The following ANKS1B variants were observed in gnomAD, a reference collection of about 807,000 sequenced individuals.
ANKS1B encodes the protein ankyrin repeat and sterile alpha motif domain-containing protein 1B.
In ANKS1B, 36 loss-of-function variants were observed where a neutral mutation model predicts 148.3. That is an observed-to-expected ratio of 0.24 (90% confidence interval 0.19 to 0.32). ANKS1B has a LOEUF of 0.32. Among genes scored for constraint, ANKS1B ranks in the 10% least tolerant of loss-of-function variants. ANKS1B has a pLI of 1.00. For missense variants in ANKS1B, 1,157 were observed against 1,542.6 expected, an observed-to-expected ratio of 0.75 and a Z score of 4.19; for synonymous variants, 542 against 560.8, an observed-to-expected ratio of 0.97 and a Z score of 0.47.
At chr12:99,846,047 C>G (rs1235877067) in intron 1 of ANKS1B, among the ~76,000 whole-genome samples, 1 of 152,088 alleles carries the variant, frequency 6.6e-6, no homozygotes, top group Non-Finnish European at 1.5e-5. Context: ...ATTACTACAT[C>G]TGCTCTCCTT....
intron 9 of ANKS1B, among the ~76,000 whole-genome samples, chr12:99,523,321 G>A (rs902620641): frequency 6.6e-6 from 1 of 152,160 alleles, no homozygotes; most frequent in Non-Finnish European, 1.5e-5. Context: ...AGGTGCTGAG[G>A]AACGTGTATG....
rs1029051318 is a variant in ANKS1B at position 99,774,894 on chromosome 12, C to T, written c.961+654G>A. ...AGGATATTATCCTAAGTGAGATGAA[C>T]CAGGTACAGAAAGACAAATACTGCA... On this transcript the variant is annotated intron_variant, in intron 7 of 26. Coordinates refer to ENST00000683438, the MANE Select transcript of ANKS1B (RefSeq NM_001352186.2). 9.9e-5 allele frequency among the ~76,000 whole-genome samples: 15 copies of T among 151,894 alleles called. 1 individual carries two copies. The highest frequency in any genetic ancestry group is 2.2e-4 in the Non-Finnish European group (15 of 67,942).
chr12:99,589,075 C>T (rs984710819), intron 9 of ANKS1B, among the ~76,000 whole-genome samples: 5 of 152,206 alleles, frequency 3.3e-5, no homozygotes, highest in African/African-American at 1.2e-4. Context: ...ACTGCCCAGG[C>T]AGTGGGATCG....
At chr12:99,430,849 TAGAA>T (rs1405998431) in intron 11 of ANKS1B, among the ~76,000 whole-genome samples, 2 of 152,214 alleles carry the variant, frequency 1.3e-5, no homozygotes, top group African/African-American at 2.4e-5. Context: ...GTAACATATC[TAGAA>T]TCACATTGTC....
intron 9 of ANKS1B, chr12:99,648,393 C>A (rs115856728): frequency 6.2e-7 from 1 of 1,614,144 alleles, no homozygotes. Context: ...CAATGGGCAT[C>A]GTTCGCACCA....
At chr12:99,931,259 T>C (rs1216184228) in intron 1 of ANKS1B, among the ~76,000 whole-genome samples, 2 of 152,032 alleles carry the variant, frequency 1.3e-5, no homozygotes, top group African/African-American at 2.4e-5. Flanking sequence ...AGTTAATGGT[T>C]GCAGCACACC....
intron 10 of ANKS1B, among the ~76,000 whole-genome samples, chr12:99,458,277 G>A (rs1376128650): frequency 1.3e-5 from 2 of 151,950 alleles, no homozygotes; most frequent in East Asian, 1.9e-4. Context: ...CAAAGGTGGT[G>A]CTAAGAGAAA....
At chr12:99,579,457 A>G (rs984000226) in intron 9 of ANKS1B, among the ~76,000 whole-genome samples, 3 of 152,216 alleles carry the variant, frequency 2.0e-5, no homozygotes, top group Non-Finnish European at 4.4e-5. Flanking sequence ...TGCATCCATC[A>G]AAGGCCTAAT....
chr12:99,084,922 C>A lies in ANKS1B; in HGVS notation c.2625+3G>T. ...GGACTAGGGCAATAAAAGTATTGCTCACCTTTGGAAGGAGCTGGATTGCCT... is the reference window on the plus strand; with the variant it reads ...GGACTAGGGCAATAAAAGTATTGCTAACCTTTGGAAGGAGCTGGATTGCCT... On this transcript the variant is annotated splice_donor_region_variant and intron_variant, in intron 16 of 26. Coordinates refer to ENST00000683438, the MANE Select transcript of ANKS1B (RefSeq NM_001352186.2). 1.2e-6 allele frequency: 2 copies of A among 1,605,680 alleles called. No individual in the cohort carries two copies. Among genetic ancestry groups the A allele is most frequent in the Non-Finnish European group, 1.7e-6 (2 of 1,175,816 alleles).
chr12:98,942,681 A>T (rs948407210), intron 17 of ANKS1B, among the ~76,000 whole-genome samples: 17 of 152,230 alleles, frequency 1.1e-4, no homozygotes, highest in African/African-American at 4.1e-4. Context: ...ACATTGCCTG[A>T]CACATTGCTT....
intron 12 of ANKS1B, among the ~76,000 whole-genome samples, chr12:99,311,618 A>C (rs2083184664): frequency 6.6e-6 from 1 of 152,130 alleles, no homozygotes; most frequent in Non-Finnish European, 1.5e-5. Context: ...ATAATTACCC[A>C]AACTGGAAAG....
intron 14 of ANKS1B, among the ~76,000 whole-genome samples, chr12:99,215,095 G>A (rs1291712807): frequency 1.3e-5 from 2 of 152,208 alleles, no homozygotes; most frequent in African/African-American, 2.4e-5. Flanking sequence ...CAAAGATATG[G>A]TTTGGAATTG....
chr12:99,327,642 T>C (rs1182947925), intron 12 of ANKS1B, among the ~76,000 whole-genome samples: 1 of 149,598 alleles, frequency 6.7e-6, no homozygotes, highest in Non-Finnish European at 1.5e-5. Context: ...CCCATATATA[T>C]ATGCCACTCA....
intron 15 of ANKS1B, among the ~76,000 whole-genome samples, chr12:99,106,804 T>A (rs1234735083): frequency 1.3e-5 from 2 of 152,258 alleles, no homozygotes; most frequent in Non-Finnish European, 2.9e-5. Flanking sequence ...TTAGGTTGTC[T>A]TAAAATTTGG....
At chr12:99,296,535 T>C (rs1005354726) in intron 12 of ANKS1B, among the ~76,000 whole-genome samples, 38 of 152,208 alleles carry the variant, frequency 2.5e-4, no homozygotes, top group African/African-American at 8.2e-4. Context: ...AGTAACATCC[T>C]CAGAGATATC....
Position 99,385,042 on chromosome 12 carries a change from A to G in ANKS1B, c.1756+14589T>C, listed in dbSNP as rs745522969. 2.0e-5 allele frequency among the ~76,000 whole-genome samples: 3 copies of G among 147,104 alleles called. No individual in the cohort carries two copies. The East Asian group carries it at 5.8e-4, about 28-fold the overall frequency. On this transcript the variant is annotated intron_variant, in intron 12 of 26. Coordinates refer to ENST00000683438, the MANE Select transcript of ANKS1B (RefSeq NM_001352186.2). ...GTTTTATATTTAATTTATAAACAGC[A>G]ATAATTGAGGCCCCAACCACAGTAG...
At chr12:98,785,625 A>C (rs1227835537) in intron 22 of ANKS1B, among the ~76,000 whole-genome samples, 1 of 152,212 alleles carries the variant, frequency 6.6e-6, no homozygotes, top group African/African-American at 2.4e-5. Flanking sequence ...CTTCAGTCCA[A>C]TCACAGGCAG....
At chr12:99,575,700 G>A (rs1299224045) in intron 9 of ANKS1B, among the ~76,000 whole-genome samples, 1 of 151,964 alleles carries the variant, frequency 6.6e-6, no homozygotes, top group East Asian at 1.9e-4. Context: ...CTCCCACTGG[G>A]TCCCTCCCAC....
chr12:99,773,529 A>T (rs919822382), intron 7 of ANKS1B, among the ~76,000 whole-genome samples: 4 of 152,188 alleles, frequency 2.6e-5, no homozygotes, highest in African/African-American at 9.6e-5. Context: ...AAATAATAAC[A>T]TAGGTAATCA....
Sources: gnomAD v4.1 joint callset for allele counts (sites outside exome capture counted in the v4.1 genomes callset) on GRCh38, gnomAD v4.1.1 for gene constraint, MANE v1.5 for transcripts, NCBI Gene and HGNC (gene_info 2026-07-23, HGNC 2026-07-21) for gene names.